NTRK3: variants seen among roughly 807,000 people sequenced by gnomAD.
The protein encoded by NTRK3 is neurotrophic receptor tyrosine kinase 3, also known as NT-3 growth factor receptor.
In NTRK3, 24 loss-of-function variants were observed where a neutral mutation model predicts 91.7. The observed-to-expected ratio is 0.26, with a 90% confidence interval of 0.19 to 0.37. The LOEUF (loss-of-function observed/expected upper bound fraction) is 0.37. Ranked by LOEUF, NTRK3 falls within the 10% of genes least tolerant of loss-of-function variation. NTRK3 has a pLI of 1.00. For missense variants in NTRK3, 880 were observed against 1,068.9 expected (o/e 0.82, Z 2.46); for synonymous variants, 483 against 404.0 (o/e 1.20, Z -2.34).
rs566167582 is a variant in NTRK3 at position 87,932,540 on chromosome 15, T to C, written c.1889+472A>G. 3.9e-5 allele frequency among the ~76,000 whole-genome samples: 6 copies of C among 152,290 alleles called. No individual in the cohort carries two copies. The South Asian group carries it at 6.2e-4, about 16-fold the overall frequency. On this transcript the variant is annotated intron_variant, in intron 16 of 18. Transcript: ENST00000394480. ...TCAACCATCTCTGCCACCTGATGAA[T>C]TGTAACCTTGGACCTTCTTACTCAT...
chr15:88,083,950 C>T (rs1274690254), intron 13 of NTRK3, among the ~76,000 whole-genome samples: 3 of 152,116 alleles, frequency 2.0e-5, no homozygotes, highest in South Asian at 2.1e-4. Flanking sequence ...GAGACACACA[C>T]GTTTTAACAA....
intron 13 of NTRK3, among the ~76,000 whole-genome samples, chr15:88,077,765 G>A (rs1372950159): frequency 6.6e-6 from 1 of 152,136 alleles, no homozygotes; most frequent in East Asian, 1.9e-4. Context: ...CACGGAGTTG[G>A]GATGTGGCCC....
chr15:88,218,669 A>G (rs1225414299), intron 3 of NTRK3, among the ~76,000 whole-genome samples: 1 of 152,178 alleles, frequency 6.6e-6, no homozygotes, highest in Non-Finnish European at 1.5e-5. Flanking sequence ...CTTGGGAAGC[A>G]TTATCCCTAG....
At chr15:88,254,812 G>A (rs756056394) in intron 3 of NTRK3, among the ~76,000 whole-genome samples, 50 of 152,262 alleles carry the variant, frequency 3.3e-4, no homozygotes, top group Non-Finnish European at 6.8e-4. Context: ...TGGAAGCCTT[G>A]GGGGAAAAGA....
At chr15:88,227,181 T>A (rs2050747346) in intron 3 of NTRK3, among the ~76,000 whole-genome samples, 1 of 152,070 alleles carries the variant, frequency 6.6e-6, no homozygotes, top group Non-Finnish European at 1.5e-5. Flanking sequence ...CCCCGTCGGG[T>A]CTCTCCTGCT....
intron 13 of NTRK3, among the ~76,000 whole-genome samples, chr15:88,104,609 T>C (rs1409744150): frequency 1.3e-5 from 2 of 152,190 alleles, no homozygotes; most frequent in Non-Finnish European, 2.9e-5. Flanking sequence ...CTTCAAATTG[T>C]GTGTGTGTCT....
intron 14 of NTRK3, among the ~76,000 whole-genome samples, chr15:87,990,947 T>G (rs997397926): frequency 3.3e-5 from 5 of 152,208 alleles, no homozygotes; most frequent in African/African-American, 1.2e-4. Context: ...CCTCCACTGT[T>G]TTGCAGATCA....
intron 5 of NTRK3, among the ~76,000 whole-genome samples, chr15:88,158,122 T>C (rs1174226745): frequency 6.6e-6 from 1 of 152,072 alleles, no homozygotes; most frequent in East Asian, 1.9e-4. Context: ...GGAATAATAA[T>C]AGGGCATGTC....
chr15:88,099,292 A>G, intron 13 of NTRK3: 1 of 220,326 alleles, frequency 4.5e-6, no homozygotes, highest in Non-Finnish European at 9.1e-6. Context: ...AGGGAAAAGG[A>G]AAACATGGTC....
chr15:88,136,691 C>T, intron 7 of NTRK3, 82 bp from the exon 8 acceptor site: 1 of 1,524,574 alleles, frequency 6.6e-7, no homozygotes, highest in East Asian at 2.4e-5. Flanking sequence ...CTGATGGTGG[C>T]ACTTCTTGCC....
At chr15:87,953,035 C>G (rs1042973349) in intron 14 of NTRK3, among the ~76,000 whole-genome samples, 3 of 152,216 alleles carry the variant, frequency 2.0e-5, no homozygotes, top group Non-Finnish European at 4.4e-5. Context: ...ATGCTTCCCC[C>G]TGTCGAAGCC....
intron 13 of NTRK3, among the ~76,000 whole-genome samples, chr15:88,074,355 C>T (rs1010495997): frequency 2.6e-5 from 4 of 152,362 alleles, no homozygotes; most frequent in Middle Eastern, 6.8e-3. Flanking sequence ...CATGTGGTTA[C>T]TGAGCTCTTG....
At chr15:88,005,069 C>T (rs1443439320) in intron 14 of NTRK3, among the ~76,000 whole-genome samples, 2 of 152,242 alleles carry the variant, frequency 1.3e-5, no homozygotes, top group African/African-American at 2.4e-5. Flanking sequence ...ACCCTATATT[C>T]GTGTTACTCC....
At chr15:87,912,404 CA>C (rs1276900581) in intron 17 of NTRK3, among the ~76,000 whole-genome samples, 1 of 152,184 alleles carries the variant, frequency 6.6e-6, no homozygotes, top group Non-Finnish European at 1.5e-5. Context: ...ACACCAAACC[CA>C]ATTCCACCCC....
chr15:87,981,206 C>G (rs190399618), intron 14 of NTRK3: 1 of 1,560,190 alleles, frequency 6.4e-7, no homozygotes, highest in African/African-American at 1.4e-5. Flanking sequence ...CATACAAAGA[C>G]GTCAAAGGAG....
intron 13 of NTRK3, among the ~76,000 whole-genome samples, chr15:88,112,785 C>T (rs2051561668): frequency 6.6e-6 from 1 of 152,168 alleles, no homozygotes; most frequent in Non-Finnish European, 1.5e-5. Context: ...AGCAACAGCA[C>T]TCTCCCCCGC....
At chr15:88,049,535 A>C (rs2080594978) in intron 13 of NTRK3, among the ~76,000 whole-genome samples, 1 of 152,214 alleles carries the variant, frequency 6.6e-6, no homozygotes, top group Admixed American at 6.5e-5. Context: ...TGACCTAAGC[A>C]TTTAAGCTAA....
At chr15:88,212,759 C>CACACACACAT (rs1444731394) in intron 3 of NTRK3, among the ~76,000 whole-genome samples, 1 of 101,184 alleles carries the variant, frequency 9.9e-6, no homozygotes, top group Admixed American at 1.0e-4. Context: ...CACACACACA[C>CACACACACAT]ATCCCAGGCC....
In NTRK3 at chr15:88,189,280, G is replaced by A. The variant is rs558923208; in HGVS notation, c.249-4981C>T. 3.5e-4 allele frequency among the ~76,000 whole-genome samples: 53 copies of A among 152,240 alleles called. 1 individual carries two copies. The South Asian group carries it at 0.01, about 29-fold the overall frequency. ...TTAGTGACTCATAACAGCAACACCA[G>A]GTCCCAGAGACCTAGGACCACAGAT... On this transcript the variant is annotated intron_variant, in intron 3 of 18. Coordinates refer to ENST00000394480, the Ensembl canonical transcript of NTRK3.
Sources: gnomAD v4.1 joint callset for allele counts (sites outside exome capture counted in the v4.1 genomes callset) on GRCh38, gnomAD v4.1.1 for gene constraint, MANE v1.5 for transcripts, NCBI Gene and HGNC (gene_info 2026-07-23, HGNC 2026-07-21) for gene names.